Variants in KMT2A observed in about 807,000 individuals in gnomAD.
KMT2A encodes histone-lysine N-methyltransferase 2A.
KMT2A carries 16 observed loss-of-function variants against 345.3 expected under a neutral mutation model. The ratio of observed to expected loss-of-function variants is 0.05; its 90% confidence interval spans 0.03 to 0.07. The LOEUF is 0.07. Ranked by LOEUF, KMT2A falls within the 10% of genes least tolerant of loss-of-function variation. KMT2A has a pLI of 1.00. For missense variants in KMT2A, 3,272 were observed against 4,841.6 expected (o/e 0.68, Z 9.62); for synonymous variants, 1,599 against 1,778.6 (o/e 0.90, Z 2.54).
At chr11:118,474,653 A>C (rs1203968796) in intron 3 of KMT2A, among the ~76,000 whole-genome samples, 5 of 152,190 alleles carry the variant, frequency 3.3e-5, no homozygotes, top group African/African-American at 9.7e-5. Context: ...GAGGATGCTG[A>C]GTTGTTTGTA....
chr11:118,482,490 GA>G lies in KMT2A; in HGVS notation c.4085del (p.Lys1362ArgfsTer16). 2 of 1,607,582 alleles carry G rather than the reference GA, an allele frequency of 1.2e-6. No individual in the cohort carries two copies. Among genetic ancestry groups the G allele is most frequent in the Non-Finnish European group, 1.7e-6 (2 of 1,174,392 alleles). On this transcript the variant is annotated frameshift_variant, in exon 8 of 36. Transcript: ENST00000534358. LOFTEE classifies it high-confidence loss of function. ...TATCCCTGTAAAACAAAAACCAAAA[GA>G]AAAGGTGAGGAGAGATTTGTTTCTC... ...PSIPVKQKPK[E>X]KEKPPPVNKQ...
At chr11:118,480,321 T>A in intron 6 of KMT2A, 83 bp downstream of exon 6, 1 of 750,438 alleles carries the variant, frequency 1.3e-6, no homozygotes, top group Non-Finnish European at 2.1e-6. Context: ...AAGAGAATAC[T>A]TTTTTTTTTA....
At position 118,509,967 on chromosome 11, in the gene KMT2A, A is replaced by G; in HGVS notation, c.10920A>G (p.Glu3640=). ...TATTAGAACCTAAAACAGTGGAAGA[A>G]GAGGAAAGTAATTTCAGCTCCCCAC... ...QESAEPKTVE[E]EESNFSSPLM... Residue 3640 remains glutamate, a synonymous_variant, in exon 30 of 36, where the codon GAA becomes GAG. Transcript: ENST00000534358. 6.2e-7 allele frequency: 1 copy of G among 1,610,662 alleles called. No individual in the cohort carries two copies. Among genetic ancestry groups the G allele is most frequent in the African/African-American group, 1.3e-5 (1 of 74,824 alleles).
chr11:118,499,752 C>A, intron 23 of KMT2A, 83 bp from the exon 24 acceptor site: 1 of 1,064,390 alleles, frequency 9.4e-7, no homozygotes, highest in Admixed American at 1.8e-5. Flanking sequence ...TGCATTCCAG[C>A]CTGGGCGACA....
chr11:118,505,780 C>G lies in KMT2A; in HGVS notation c.9888C>G (p.Ile3296Met), dbSNP rs2134408286. 1.2e-6 allele frequency: 2 copies of G among 1,614,136 alleles called. No individual in the cohort carries two copies. The highest frequency in any genetic ancestry group is 1.7e-6 in the Non-Finnish European group (2 of 1,180,026). The change falls in exon 27 of 36, where the codon ATC becomes ATG. Residue 3296 changes from isoleucine (I) to methionine (M), a missense_variant. Ile to Met is a conservative substitution (Grantham distance 10). Around this residue, in one of 27 missense-constraint regions of KMT2A, gnomAD observed 748 missense variants for 922.2 expected, o/e 0.81. Coordinates refer to ENST00000534358, the MANE Select transcript of KMT2A (RefSeq NM_001197104.2). This position sits in a 1 kb window ranked among gnomAD's most constrained non-coding sequence, Gnocchi z 4.6. ...PNIIKRSKSS[I>M]MYFEPAPLLP... Reference sequence around the variant, plus strand: ...TCATAAAAAGATCTAAATCTAGCATCATGTATTTTGAACCGGCACCCCTGT... The same window carrying G: ...TCATAAAAAGATCTAAATCTAGCATGATGTATTTTGAACCGGCACCCCTGT...
Position 118,481,696 on chromosome 11 carries a change from T to A in KMT2A, c.3635-19T>A, listed in dbSNP as rs782597627. The A allele has an allele frequency of 6.3e-7, 1 of 1,596,266 alleles. No individual in the cohort carries two copies. Among genetic ancestry groups the A allele is most frequent in the South Asian group, 1.1e-5 (1 of 88,188 alleles). ...TATTCTCACTATAGACAGATGATGT[T>A]GTTGTGTTTTTCCCTCAGCTGTGAA... On this transcript the variant is annotated intron_variant, in intron 6 of 35. Coordinates refer to ENST00000534358, the MANE Select transcript of KMT2A (RefSeq NM_001197104.2).
intron 1 of KMT2A, among the ~76,000 whole-genome samples, chr11:118,439,641 T>C (rs1038603206): frequency 1.3e-5 from 2 of 152,266 alleles, no homozygotes; most frequent in Non-Finnish European, 2.9e-5. Flanking sequence ...TAGTATATAA[T>C]GTAAAGCCTG....
In KMT2A at chr11:118,520,967, T is replaced by G; in HGVS notation, c.11513+82T>G. On this transcript the variant is annotated intron_variant, in intron 34 of 35. Transcript: ENST00000534358. This position sits in a 1 kb window ranked among gnomAD's most constrained non-coding sequence, Gnocchi z 4.3. ...AAGCAGACCAAATGCTGGAGTGACC[T>G]TCCTCACTCAGTAAGTGAGGATTTT... 1 of 1,015,374 alleles carries G rather than the reference T, an allele frequency of 9.8e-7. No individual in the cohort carries two copies. Among genetic ancestry groups the G allele is most frequent in the Non-Finnish European group, 1.6e-6 (1 of 642,250 alleles). The allele number at this position is 1,015,374 out of a possible 1,614,324, so 62.9% of individuals were successfully genotyped here.
At chr11:118,512,752 A>AT (rs1555050463) in intron 31 of KMT2A, among the ~76,000 whole-genome samples, 2 of 150,048 alleles carry the variant, frequency 1.3e-5, no homozygotes, top group Admixed American at 1.3e-4. Context: ...TCCACCTGCA[A>AT]TGCACGAGTG....
At chr11:118,458,738 A>G (rs1216006525) in intron 1 of KMT2A, among the ~76,000 whole-genome samples, 2 of 152,246 alleles carry the variant, frequency 1.3e-5, no homozygotes, top group African/African-American at 4.8e-5. Flanking sequence ...AGCAGTAGCC[A>G]CAAGGGGAAA....
At chr11:118,455,237 C>A (rs1949619288) in intron 1 of KMT2A, among the ~76,000 whole-genome samples, 1 of 152,092 alleles carries the variant, frequency 6.6e-6, no homozygotes, top group African/African-American at 2.4e-5. Context: ...TCTGTCTCTC[C>A]ATTAGATTGT....
rs2134155322 is a variant in KMT2A, at chr11:118,436,921, G to T, written c.409G>T (p.Gly137Cys). Residue 137 changes from glycine to cysteine, a missense_variant, in exon 1 of 36, where the codon GGC becomes TGC. Physicochemically the swap from Gly to Cys is radical, Grantham distance 159. Coordinates refer to ENST00000534358, the MANE Select transcript of KMT2A (RefSeq NM_001197104.2). This position sits in a 1 kb window ranked among gnomAD's most constrained non-coding sequence, Gnocchi z 6.9. ...GTTCCGGGCCGTGTTTGGGGAGAGC[G>T]GCGGGGGAGGCGGCAGCGGAGAGGT... ...RRFRAVFGES[G>C]GGGGSGEDEQ... 6.5e-7 allele frequency: 1 copy of T among 1,548,862 alleles called. No homozygotes were observed. Among genetic ancestry groups the T allele is most frequent in the Non-Finnish European group, 8.7e-7 (1 of 1,145,016 alleles).
In KMT2A at chr11:118,505,691, A is replaced by T. The variant is rs782704291; in HGVS notation, c.9799A>T (p.Asn3267Tyr). 4.3e-6 allele frequency: 7 copies of T among 1,614,180 alleles called. No individual in the cohort carries two copies. Among genetic ancestry groups the T allele is most frequent in the Non-Finnish European group, 5.9e-6 (7 of 1,180,028 alleles). ...TAACTTCACACCCTCCCAGCTTCCTAATCATCCAAGTCTGTTAGATTTGGG... is the reference window on the plus strand; with the variant it reads ...TAACTTCACACCCTCCCAGCTTCCTTATCATCCAAGTCTGTTAGATTTGGG... ...LINFTPSQLP[N>Y]HPSLLDLGSL... The change falls in exon 27 of 36, where the codon AAT becomes TAT. Residue 3267 changes from asparagine to tyrosine, a missense_variant. Coordinates refer to ENST00000534358, the MANE Select transcript of KMT2A (RefSeq NM_001197104.2). The surrounding 1 kb of genome is among the most constrained non-coding windows in gnomAD (Gnocchi z 4.6).
Position 118,523,119 on chromosome 11 carries a change from GA to G in KMT2A, c.*950del, listed in dbSNP as rs1951007246. 8.9e-6 allele frequency: 2 copies of G among 225,284 alleles called. No homozygotes were observed. The highest frequency in any genetic ancestry group is 1.8e-5 in the Non-Finnish European group (2 of 112,898). The allele number at this position is 225,284 out of a possible 1,614,324, so 14.0% of individuals were successfully genotyped here. A position where few individuals can be genotyped will look rare whatever the true frequency, so the allele number is the denominator to read the frequency against. ...ATAAAGCTCCATGGAGAGTTTTAAA[GA>G]AACATATGTAGCATGATTTTGTAGG... On this transcript the variant is annotated 3_prime_UTR_variant, in exon 36 of 36. Coordinates refer to ENST00000534358, the MANE Select transcript of KMT2A (RefSeq NM_001197104.2).
chr11:118,471,774 A>G lies in KMT2A; in HGVS notation c.615A>G (p.Lys205=). ...CCCCTCTAAATAAATCAGAGACCAAATCTGGAGATAAGATCAAGAAGAAAG... is the reference window on the plus strand; with the variant it reads ...CCCCTCTAAATAAATCAGAGACCAAGTCTGGAGATAAGATCAAGAAGAAAG... ...VFSPLNKSET[K]SGDKIKKKDS... The change falls in exon 3 of 36, where the codon AAA becomes AAG. Residue 205 remains lysine (K), a synonymous_variant. Transcript: ENST00000534358. The G allele has an allele frequency of 6.2e-7, 1 of 1,613,754 alleles. No individual in the cohort carries two copies.
In KMT2A at chr11:118,524,214, G is replaced by C. The variant is rs1555054686; in HGVS notation, c.*2042G>C. The C allele has an allele frequency of 5.5e-6, 1 of 183,168 alleles. No individual in the cohort carries two copies. Among genetic ancestry groups the C allele is most frequent in the South Asian group, 2.0e-4 (1 of 5,092 alleles). The allele number at this position is 183,168 out of a possible 1,614,324, so 11.3% of individuals were successfully genotyped here. On this transcript the variant is annotated 3_prime_UTR_variant, in exon 36 of 36. Transcript: ENST00000534358. The stretch of plus-strand genomic sequence containing the variant: ...GCCTGTTGAAACTGAAGCACAGTCT[G>C]ACCACTCACGATAAAGCAGATTTTT...
intron 1 of KMT2A, among the ~76,000 whole-genome samples, chr11:118,453,188 A>T (rs1949575599): frequency 6.6e-6 from 1 of 152,184 alleles, no homozygotes; most frequent in African/African-American, 2.4e-5. Context: ...AAACTCCTTG[A>T]AAGTGCTGTG....
In KMT2A at chr11:118,503,607, C is replaced by T. The variant is rs368589265; in HGVS notation, c.7715C>T (p.Pro2572Leu). 3 of 1,614,200 alleles carry T rather than the reference C, an allele frequency of 1.9e-6. No individual in the cohort carries two copies. Among genetic ancestry groups the T allele is most frequent in the Non-Finnish European group, 2.5e-6 (3 of 1,180,040 alleles). ...ISASENPGDG[P>L]VAQPSPNNTS... ...GCCTCTGAAAATCCAGGAGATGGTC[C>T]AGTGGCCCAACCAAGCCCCAATAAT... Residue 2572 changes from proline (P) to leucine (L), a missense_variant, in exon 27 of 36, where the codon CCA becomes CTA. Transcript: ENST00000534358. This position sits in a 1 kb window ranked among gnomAD's most constrained non-coding sequence, Gnocchi z 5.3.
chr11:118,479,866 C>T (rs782637506), intron 5 of KMT2A, among the ~76,000 whole-genome samples: 1 of 152,088 alleles, frequency 6.6e-6, no homozygotes, highest in Non-Finnish European at 1.5e-5. Flanking sequence ...AGGACTGATG[C>T]GACTACAAGA....
Sources: gnomAD v4.1 joint callset for allele counts (sites outside exome capture counted in the v4.1 genomes callset) on GRCh38, gnomAD v4.1.1 for gene constraint, gnomAD v4.1.1 regional missense constraint, Gnocchi (gnomAD v3.1) non-coding constraint, MANE v1.5 for transcripts, NCBI Gene and HGNC (gene_info 2026-07-23, HGNC 2026-07-21) for gene names.